Variants in YJEFN3 observed in about 807,000 individuals in gnomAD.
The protein encoded by YJEFN3 is yjeF N-terminal domain-containing protein 3.
YJEFN3 carries 29 observed loss-of-function variants against 31.5 expected under a neutral mutation model. The observed-to-expected ratio is 0.92, with a 90% CI of 0.69 to 1.26. The LOEUF (loss-of-function observed/expected upper bound fraction) is 1.26, where lower values mean the gene tolerates loss of function less well. Ranked by LOEUF, YJEFN3 falls within the 50% of genes most tolerant of loss-of-function variation. The pLI is 0.00. For synonymous variants in YJEFN3, 227 were observed against 196.1 expected, an observed-to-expected ratio of 1.16 and a Z score of -1.32; for missense variants, 442 against 425.4, an observed-to-expected ratio of 1.04 and a Z score of -0.34.
At chr19:19,537,227 G>A in intron 6 of YJEFN3, 92 bp from the exon 7 acceptor site, 1 of 1,192,668 alleles carries the variant, frequency 8.4e-7, no homozygotes, top group Admixed American at 2.5e-5. Flanking sequence ...AGTGTTGGAG[G>A]GGAGAGGAGA....
At chr19:19,533,312 A>G (rs899056836) in intron 3 of YJEFN3, 2 of 985,780 alleles carry the variant, frequency 2.0e-6, no homozygotes, top group East Asian at 1.1e-4. Flanking sequence ...TTCCTCTGCA[A>G]CAGCATAATA....
chr19:19,533,163 A>T (rs2061174777), intron 3 of YJEFN3: 1 of 1,001,094 alleles, frequency 1.0e-6, no homozygotes, highest in South Asian at 4.5e-5. Flanking sequence ...GGGGGATGGA[A>T]GCAGAGCTGC....
intron 3 of YJEFN3, chr19:19,533,378 C>G: frequency 1.0e-6 from 1 of 985,990 alleles, no homozygotes; most frequent in Non-Finnish European, 1.2e-6. Flanking sequence ...CTGTCCCATA[C>G]AGTCGAGGCT....
intron 4 of YJEFN3, 81 bp from the exon 5 acceptor site, chr19:19,535,256 A>G (rs145083785): frequency 1.0e-4 from 152 of 1,519,850 alleles, no homozygotes; most frequent in Non-Finnish European, 1.3e-4. Context: ...GTTATAGAAT[A>G]TGCCCAGTGC....
intron 3 of YJEFN3, chr19:19,532,977 C>T (rs192660838): frequency 6.2e-6 from 8 of 1,295,108 alleles, no homozygotes; most frequent in Admixed American, 7.8e-5. Flanking sequence ...AGGGACAGTG[C>T]CACGACCCTG....
chr19:19,535,329 AC>A lies in YJEFN3; in HGVS notation c.430-3del. On this transcript the variant is annotated splice_polypyrimidine_tract_variant and splice_region_variant and intron_variant, in intron 4 of 6. Transcript: ENST00000514277. ...GGGGAGTCTGACCCCCTCTTCTCCC[AC>A]CCCCAGGAGTATGAACCCACCATCT... 1 of 1,612,374 alleles carries A rather than the reference AC, an allele frequency of 6.2e-7. No homozygotes were observed. Among genetic ancestry groups the A allele is most frequent in the Non-Finnish European group, 8.5e-7 (1 of 1,179,272 alleles).
At chr19:19,533,132 A>T in intron 3 of YJEFN3, 1 of 1,015,954 alleles carries the variant, frequency 9.8e-7, no homozygotes, top group South Asian at 4.3e-5. Context: ...AGAGGTGGCG[A>T]GGGGCCTGCC....
intron 2 of YJEFN3, among the ~76,000 whole-genome samples, chr19:19,531,104 A>G (rs1290917525): frequency 6.6e-6 from 1 of 152,126 alleles, no homozygotes; most frequent in Non-Finnish European, 1.5e-5. Context: ...CTCCCATCCC[A>G]TAGCAGTCCT....
chr19:19,535,103 G>A lies in YJEFN3; in HGVS notation c.388G>A (p.Gly130Arg), dbSNP rs772369943. The change falls in exon 4 of 7, where the codon GGG becomes AGG. Residue 130 changes from glycine (G) to arginine (R), a missense_variant. Transcript: ENST00000514277. ...GGTCGTGTGTGGCCCGGAGCAGAAC[G>A]GGGCAGTGGGGCTGGTCTGTGCCCG... ...VLVVCGPEQN[G>R]AVGLVCARHL... 1.6e-5 allele frequency: 25 copies of A among 1,611,482 alleles called. No individual in the cohort carries two copies. The highest frequency in any genetic ancestry group is 3.4e-5 in the Admixed American group (2 of 59,620).
intron 4 of YJEFN3, 88 bp from the exon 5 acceptor site, chr19:19,535,249 A>G (rs1042006086): frequency 1.5e-5 from 22 of 1,512,436 alleles, no homozygotes; most frequent in Middle Eastern, 1.7e-4. Context: ...GGGCCAGGTT[A>G]TAGAATATGC....
At chr19:19,537,253 A>G in intron 6 of YJEFN3, 66 bp from the exon 7 acceptor site, 2 of 1,422,586 alleles carry the variant, frequency 1.4e-6, no homozygotes, top group Admixed American at 2.2e-5. Flanking sequence ...CAGGGACAGG[A>G]TGGACTCTAG....
At chr19:19,533,637 C>T in intron 3 of YJEFN3, 3 of 983,038 alleles carry the variant, frequency 3.1e-6, no homozygotes, top group Non-Finnish European at 3.6e-6. Context: ...TCTCCCTCCT[C>T]ACCCCTCCTC....
At chr19:19,529,304 G>A in intron 1 of YJEFN3, 60 bp from the exon 2 acceptor site, 1 of 1,552,524 alleles carries the variant, frequency 6.4e-7, no homozygotes, top group Admixed American at 1.9e-5. Flanking sequence ...CATCAGCAGC[G>A]CTGGTCGCTC....
intron 2 of YJEFN3, among the ~76,000 whole-genome samples, chr19:19,530,670 G>A (rs1339369707): frequency 1.3e-5 from 2 of 152,126 alleles, no homozygotes; most frequent in Non-Finnish European, 2.9e-5. Context: ...GAATGCAAAC[G>A]CACCTCCTAT....
rs1568364271 is a variant in YJEFN3 at position 19,532,749 on chromosome 19, C to T, written c.318+9C>T. On this transcript the variant is annotated intron_variant, in intron 3 of 6. Transcript: ENST00000514277. Reference sequence around the variant, plus strand: ...CCGTGGCTGTGACCAAGGTACCTGACCCCTGACCCCCAACCCTGACCCCAA... The same window carrying T: ...CCGTGGCTGTGACCAAGGTACCTGATCCCTGACCCCCAACCCTGACCCCAA... 1 of 1,545,656 alleles carries T rather than the reference C, an allele frequency of 6.5e-7. No individual in the cohort carries two copies. The highest frequency in any genetic ancestry group is 8.7e-7 in the Non-Finnish European group (1 of 1,147,828).
chr19:19,529,587 T>G, intron 2 of YJEFN3, 74 bp downstream of exon 2: 1 of 1,557,588 alleles, frequency 6.4e-7, no homozygotes, highest in Non-Finnish European at 8.7e-7. Flanking sequence ...CTTTGTGACA[T>G]GGGACCCCAG....
chr19:19,535,786 C>A, intron 6 of YJEFN3, 107 bp downstream of exon 6: 2 of 1,387,898 alleles, frequency 1.4e-6, no homozygotes, highest in Non-Finnish European at 9.9e-7. Context: ...ATCTCCCCAG[C>A]TTGGATGGAC....
intron 3 of YJEFN3, chr19:19,534,000 T>C: frequency 1.0e-6 from 1 of 985,618 alleles, no homozygotes; most frequent in Non-Finnish European, 1.2e-6. Context: ...ATCTGCTGTC[T>C]GTGTGGTTGG....
At position 19,535,368 on chromosome 19, in the gene YJEFN3, G is replaced by A. The variant is rs758935454; in HGVS notation, c.461G>A (p.Arg154His). ...GAACCCACCATCTTCTACCCCACAC[G>A]CTCGCTGGACCTGCTGCATCGGGAC... ...EYEPTIFYPT[R>H]SLDLLHRDLT... is the part of the protein sequence containing the mutation. The change falls in exon 5 of 7, where the codon CGC becomes CAC. Residue 154 changes from arginine to histidine, a missense_variant. Coordinates refer to ENST00000514277, the MANE Select transcript of YJEFN3 (RefSeq NM_198537.4). 3.9e-5 allele frequency: 63 copies of A among 1,613,750 alleles called. No individual in the cohort carries two copies. Among genetic ancestry groups the A allele is most frequent in the Non-Finnish European group, 4.8e-5 (57 of 1,179,986 alleles).
Sources: gnomAD v4.1 joint callset for allele counts (sites outside exome capture counted in the v4.1 genomes callset) on GRCh38, gnomAD v4.1.1 for gene constraint, MANE v1.5 for transcripts, NCBI Gene and HGNC (gene_info 2026-07-23, HGNC 2026-07-21) for gene names.